Variants in ARB2A observed in about 807,000 individuals in gnomAD.
The protein encoded by ARB2A is ARB2 cotranscriptional regulator A.
the ARB2A span, among the ~76,000 whole-genome samples, chr5:93,663,897 A>C: frequency 6.6e-6 from 1 of 152,124 alleles, no homozygotes; most frequent in Non-Finnish European, 1.5e-5. Flanking sequence ...TTCAATAGTG[A>C]TTATCTTTAG....
At chr5:93,998,491 C>T in the ARB2A span, among the ~76,000 whole-genome samples, 1 of 152,038 alleles carries the variant, frequency 6.6e-6, no homozygotes, top group South Asian at 2.1e-4. Flanking sequence ...AAACAAACTA[C>T]ATTTCATGCA....
the ARB2A span, among the ~76,000 whole-genome samples, chr5:94,020,387 C>A: frequency 6.6e-6 from 1 of 152,040 alleles, no homozygotes; most frequent in Non-Finnish European, 1.5e-5. Flanking sequence ...AACAAACCTG[C>A]ACGTTCTGCA....
the ARB2A span, chr5:94,050,906 G>A: frequency 2.0e-4 from 213 of 1,042,738 alleles, no homozygotes; most frequent in African/African-American, 3.3e-3. Context: ...AACAAAGAAT[G>A]TCTGATAAAA....
At chr5:93,984,740 T>G in the ARB2A span, among the ~76,000 whole-genome samples, 1 of 152,318 alleles carries the variant, frequency 6.6e-6, no homozygotes, top group East Asian at 1.9e-4. Context: ...ATAAGAATTA[T>G]ATCCTACTTC....
the ARB2A span, among the ~76,000 whole-genome samples, chr5:94,039,482 G>A: frequency 6.6e-6 from 1 of 152,130 alleles, no homozygotes; most frequent in South Asian, 2.1e-4. Context: ...GGCAACATCA[G>A]GAAGTTACCC....
the ARB2A span, among the ~76,000 whole-genome samples, chr5:93,778,657 C>T: frequency 1.3e-5 from 2 of 152,126 alleles, no homozygotes; most frequent in Admixed American, 6.5e-5. Flanking sequence ...ATTCATCCAA[C>T]TAGTACCTCC....
At chr5:94,045,947 GGA>G in the ARB2A span, among the ~76,000 whole-genome samples, 1 of 152,118 alleles carries the variant, frequency 6.6e-6, no homozygotes, top group Non-Finnish European at 1.5e-5. Flanking sequence ...AAAGAAATCA[GGA>G]GAGAGAAAGA....
chr5:93,779,219 T>G, the ARB2A span, among the ~76,000 whole-genome samples: 2 of 152,016 alleles, frequency 1.3e-5, no homozygotes, highest in South Asian at 4.1e-4. Flanking sequence ...TGCTATATGA[T>G]AGAGCATAAT....
chr5:94,060,351 CA>C, the ARB2A span, among the ~76,000 whole-genome samples: 8 of 148,736 alleles, frequency 5.4e-5, no homozygotes, highest in Non-Finnish European at 1.2e-4. Context: ...GATTCCATCT[CA>C]AAAAAAAAGA....
chr5:93,661,434 A>G, the ARB2A span, among the ~76,000 whole-genome samples: 1 of 152,162 alleles, frequency 6.6e-6, no homozygotes, highest in African/African-American at 2.4e-5. Context: ...GACCTGTTTC[A>G]GGGACAGGAG....
At chr5:93,690,410 C>T in the ARB2A span, among the ~76,000 whole-genome samples, 1 of 152,128 alleles carries the variant, frequency 6.6e-6, no homozygotes, top group Non-Finnish European at 1.5e-5. Flanking sequence ...AGGCAGTTCT[C>T]CCTTCACAGG....
the ARB2A span, among the ~76,000 whole-genome samples, chr5:93,657,985 T>A: frequency 1.4e-4 from 22 of 152,162 alleles, no homozygotes; most frequent in Non-Finnish European, 3.2e-4. Flanking sequence ...TTTTGATACT[T>A]TTTTTGTAAA....
chr5:93,705,623 G>A, the ARB2A span, among the ~76,000 whole-genome samples: 2 of 143,886 alleles, frequency 1.4e-5, no homozygotes, highest in Admixed American at 1.4e-4. Context: ...GTGTGTGTGT[G>A]TGTGTGTGTG....
At chr5:93,805,008 A>AC in the ARB2A span, 8 of 977,324 alleles carry the variant, frequency 8.2e-6, no homozygotes, top group Non-Finnish European at 9.7e-6. Flanking sequence ...GTAGTCAAAC[A>AC]GAAAAAAATA....
the ARB2A span, among the ~76,000 whole-genome samples, chr5:93,837,319 A>G: frequency 6.6e-6 from 1 of 152,124 alleles, no homozygotes; most frequent in Non-Finnish European, 1.5e-5. Flanking sequence ...GCTGTGTAGT[A>G]TTCCACGGTG....
the ARB2A span, among the ~76,000 whole-genome samples, chr5:93,678,079 C>CA: frequency 1.3e-5 from 2 of 151,932 alleles, no homozygotes; most frequent in Non-Finnish European, 2.9e-5. Flanking sequence ...TCCCATTATG[C>CA]AAAAAAAGCA....
the ARB2A span, among the ~76,000 whole-genome samples, chr5:94,036,229 A>G: frequency 6.6e-6 from 1 of 152,172 alleles, no homozygotes; most frequent in African/African-American, 2.4e-5. Flanking sequence ...GGTATTCTTT[A>G]AGCACATCAA....
At chr5:93,975,032 T>C in the ARB2A span, among the ~76,000 whole-genome samples, 9 of 152,040 alleles carry the variant, frequency 5.9e-5, no homozygotes, top group African/African-American at 9.7e-5. Flanking sequence ...AGAAAAATCT[T>C]AGCTGGGCGC....
the ARB2A span, among the ~76,000 whole-genome samples, chr5:93,871,000 T>C: frequency 1.3e-5 from 2 of 152,220 alleles, no homozygotes; most frequent in Non-Finnish European, 2.9e-5. Flanking sequence ...GATAGACAAA[T>C]TATGATTATT....
Sources: gnomAD v4.1 joint callset for allele counts (sites outside exome capture counted in the v4.1 genomes callset) on GRCh38, gnomAD v4.1.1 for gene constraint, MANE v1.5 for transcripts, NCBI Gene and HGNC (gene_info 2026-07-23, HGNC 2026-07-21) for gene names.